Variants in INPP5D observed in about 807,000 individuals in gnomAD.
INPP5D encodes the protein inositol polyphosphate-5-phosphatase D, also known as phosphatidylinositol 3,4,5-trisphosphate 5-phosphatase 1.
INPP5D carries 33 observed loss-of-function variants against 122.9 expected under a neutral mutation model. The ratio of observed to expected loss-of-function variants is 0.27; its 90% CI spans 0.20 to 0.36. The LOEUF (loss-of-function observed/expected upper bound fraction) is 0.36, where lower values mean the gene tolerates loss of function less well. Among genes scored for constraint, INPP5D ranks in the 10% least tolerant of loss-of-function variants. INPP5D has a pLI of 1.00. For synonymous variants in INPP5D, 584 were observed against 576.2 expected, an observed-to-expected ratio of 1.01 and a Z score of -0.19; for missense variants, 1,053 against 1,412.7, an observed-to-expected ratio of 0.75 and a Z score of 4.08.
chr2:233,102,775 G>A (rs528857476), intron 2 of INPP5D, among the ~76,000 whole-genome samples: 2 of 151,434 alleles, frequency 1.3e-5, no homozygotes, highest in Middle Eastern at 3.4e-3. Context: ...GCATGAACCC[G>A]GGAAGCGGAG....
At chr2:233,192,962 G>A (rs771704696) in intron 22 of INPP5D, among the ~76,000 whole-genome samples, 13 of 152,142 alleles carry the variant, frequency 8.5e-5, no homozygotes, top group South Asian at 2.1e-4. Flanking sequence ...ATCTTGGCTC[G>A]CTGCAACCTC....
At position 233,077,094 on chromosome 2, in the gene INPP5D, C is replaced by G. The variant is rs187190544; in HGVS notation, c.135-2241C>G. Among the ~76,000 whole-genome samples the G allele has an allele frequency of 8.5e-5, 13 of 152,300 alleles. No individual in the cohort carries two copies. The East Asian group carries it at 2.3e-3, about 27-fold the overall frequency. On this transcript the variant is annotated intron_variant, in intron 1 of 26. Coordinates refer to ENST00000445964, the MANE Select transcript of INPP5D (RefSeq NM_001017915.3). The stretch of plus-strand genomic sequence containing the variant: ...CATGATGAAAATAGTAATAAACCAT[C>G]TCTCACTTGGCTTGAGAAGACCTCT...
At chr2:233,089,789 G>A (rs533194250) in intron 2 of INPP5D, among the ~76,000 whole-genome samples, 3 of 152,280 alleles carry the variant, frequency 2.0e-5, no homozygotes, top group Admixed American at 6.5e-5. Context: ...TAGGATGTTC[G>A]GTCTAGAGAC....
intron 11 of INPP5D, 149 bp from the exon 12 acceptor site, chr2:233,163,558 C>T: frequency 2.1e-6 from 3 of 1,416,726 alleles, no homozygotes; most frequent in South Asian, 1.4e-5. Flanking sequence ...GGCGCCCAGG[C>T]CTCCATTGCA....
At chr2:233,075,311 G>A (rs1176420089) in intron 1 of INPP5D, among the ~76,000 whole-genome samples, 4 of 152,204 alleles carry the variant, frequency 2.6e-5, no homozygotes, top group Non-Finnish European at 2.9e-5. Context: ...TCACTGGGAG[G>A]AGTCTCAGCT....
chr2:233,170,126 T>G lies in INPP5D; in HGVS notation c.1753T>G (p.Phe585Val). Residue 585 changes from phenylalanine (F) to valine (V), a missense_variant, in exon 15 of 27, where the codon TTT becomes GTT. Coordinates refer to ENST00000445964, the MANE Select transcript of INPP5D (RefSeq NM_001017915.3). This position sits in a 1 kb window ranked among gnomAD's most constrained non-coding sequence, Gnocchi z 4.5. Reference protein sequence around the residue: ...ITHRFTHLFWFGDLNYRVDLP... With the variant: ...ITHRFTHLFWVGDLNYRVDLP... ...TCACCGCTTCACGCACCTCTTCTGG[T>G]TTGGGGATCTTAACTACCGTGTGGA... 1 of 1,614,014 alleles carries G rather than the reference T, an allele frequency of 6.2e-7. No individual in the cohort carries two copies. The highest frequency in any genetic ancestry group is 8.5e-7 in the Non-Finnish European group (1 of 1,179,902).
At chr2:233,158,505 A>G in intron 10 of INPP5D, 86 bp downstream of exon 10, 1 of 599,348 alleles carries the variant, frequency 1.7e-6, no homozygotes. Context: ...CAGGGAGTGT[A>G]TCATTAGCTC....
intron 23 of INPP5D, 99 bp from the exon 24 acceptor site, chr2:233,195,300 G>GTGCAGCTTCAGCC: frequency 6.4e-7 from 1 of 1,566,174 alleles, no homozygotes. Flanking sequence ...ACTATTCACT[G>GTGCAGCTTCAGCC]TGCAGCTTCA....
At chr2:233,109,370 G>A (rs915767431) in intron 2 of INPP5D, among the ~76,000 whole-genome samples, 8 of 152,180 alleles carry the variant, frequency 5.3e-5, no homozygotes, top group African/African-American at 1.7e-4. Context: ...CCTCACCCTC[G>A]TCTATGCGCG....
chr2:233,198,359 C>G lies in INPP5D; in HGVS notation c.2958C>G (p.Pro986=). ...CAACAGCAAACCGGGGTCTCCCTCC[C>G]AGGACACAGGAGTCAAGGTGAGCAT... The part of the protein sequence containing the change: ...LPSTANRGLP[P]RTQESRPSDL... The change falls in exon 25 of 27, where the codon CCC becomes CCG. Residue 986 remains proline (P), a synonymous_variant. Transcript: ENST00000445964. 6.2e-7 allele frequency: 1 copy of G among 1,612,162 alleles called. No individual in the cohort carries two copies. The highest frequency in any genetic ancestry group is 8.5e-7 in the Non-Finnish European group (1 of 1,178,548).
chr2:233,178,891 G>A (rs1694715081), intron 18 of INPP5D, among the ~76,000 whole-genome samples: 1 of 152,156 alleles, frequency 6.6e-6, no homozygotes, highest in Admixed American at 6.5e-5. Context: ...CTGCCCGCTG[G>A]CCACCTTTGT....
At chr2:233,165,248 TG>T (rs1694297407) in intron 13 of INPP5D, among the ~76,000 whole-genome samples, 1 of 152,056 alleles carries the variant, frequency 6.6e-6, no homozygotes, top group African/African-American at 2.4e-5. Context: ...TATCTATGAG[TG>T]TGTGTCTATA....
chr2:233,174,913 T>C (rs1178031811), intron 17 of INPP5D, among the ~76,000 whole-genome samples: 1 of 152,064 alleles, frequency 6.6e-6, no homozygotes, highest in Non-Finnish European at 1.5e-5. Context: ...AATTTGTATA[T>C]TTGTTCACCA....
At chr2:233,202,841 G>A (rs1216760155) in intron 25 of INPP5D, among the ~76,000 whole-genome samples, 4 of 152,192 alleles carry the variant, frequency 2.6e-5, no homozygotes, top group Non-Finnish European at 5.9e-5. Context: ...GGCAGCACTT[G>A]CCTACTTTGG....
intron 25 of INPP5D, among the ~76,000 whole-genome samples, chr2:233,203,670 C>T (rs1695398834): frequency 6.6e-6 from 1 of 152,202 alleles, no homozygotes; most frequent in East Asian, 1.9e-4. Context: ...AGTGAGAGGA[C>T]TGCTTGAAGC....
intron 1 of INPP5D, among the ~76,000 whole-genome samples, chr2:233,061,753 G>C (rs1691080667): frequency 6.6e-6 from 1 of 152,212 alleles, no homozygotes. Context: ...TTAAGTGAGT[G>C]ACAACAGTCA....
chr2:233,125,659 C>A, intron 3 of INPP5D, 86 bp from the exon 4 acceptor site: 1 of 1,216,508 alleles, frequency 8.2e-7, no homozygotes, highest in South Asian at 1.5e-5. Flanking sequence ...ACGTGGGTGT[C>A]GTGGCCTGGA....
chr2:233,129,997 G>A (rs901412596), intron 4 of INPP5D, among the ~76,000 whole-genome samples: 1 of 152,020 alleles, frequency 6.6e-6, no homozygotes, highest in Non-Finnish European at 1.5e-5. Context: ...TGCCTTCCGG[G>A]TTCAAATGAT....
intron 2 of INPP5D, among the ~76,000 whole-genome samples, chr2:233,102,237 G>C (rs1037735073): frequency 1.3e-5 from 2 of 152,158 alleles, no homozygotes; most frequent in Admixed American, 1.3e-4. Context: ...ATTTCATCTA[G>C]GAATCTGGAC....
Sources: gnomAD v4.1 joint callset for allele counts (sites outside exome capture counted in the v4.1 genomes callset) on GRCh38, gnomAD v4.1.1 for gene constraint, Gnocchi (gnomAD v3.1) non-coding constraint, MANE v1.5 for transcripts, NCBI Gene and HGNC (gene_info 2026-07-23, HGNC 2026-07-21) for gene names.